Variants in KCNK3 observed in about 807,000 individuals in gnomAD.
KCNK3 encodes the protein potassium two pore domain channel subfamily K member 3, also known as potassium channel subfamily K member 3.
KCNK3 carries 9 observed loss-of-function variants against 27.3 expected under a neutral mutation model. That is an observed-to-expected ratio of 0.33 (90% CI 0.20 to 0.57). The LOEUF (loss-of-function observed/expected upper bound fraction) is 0.57. KCNK3 is among the 20% of genes least tolerant of loss of function. KCNK3 has a pLI of 0.87. For missense variants in KCNK3, 391 were observed against 577.7 expected (o/e 0.68, Z 3.31); for synonymous variants, 278 against 273.8 (o/e 1.02, Z -0.15).
intron 1 of KCNK3, among the ~76,000 whole-genome samples, chr2:26,717,712 ACAGGCCCCACCGGCCC>A (rs1553386340): frequency 2.0e-5 from 3 of 152,226 alleles, no homozygotes; most frequent in Non-Finnish European, 4.4e-5. Context: ...CTAGCTTAGA[ACAGGCCCCACCGGCCC>A]CAGGTCAGGG....
At chr2:26,714,998 A>G (rs1475437383) in intron 1 of KCNK3, among the ~76,000 whole-genome samples, 2 of 152,204 alleles carry the variant, frequency 1.3e-5, no homozygotes, top group Non-Finnish European at 1.5e-5. Flanking sequence ...GAGGCCACAT[A>G]CCTGTGTGGC....
In KCNK3 at chr2:26,728,458, C is replaced by A. The variant is rs1490174380; in HGVS notation, c.1075C>A (p.Arg359=). The change falls in exon 2 of 2, where the codon CGA becomes AGA. Residue 359 remains arginine, a synonymous_variant. Coordinates refer to ENST00000302909, the MANE Select transcript of KCNK3 (RefSeq NM_002246.3). The part of the protein sequence containing the change: ...GGGRYSDTPS[R]RCLCSGAPRS... ...CGGCCGCTACAGCGACACGCCCTCGCGACGCTGCCTGTGCAGCGGGGCGCC... is the reference window on the plus strand; with the variant it reads ...CGGCCGCTACAGCGACACGCCCTCGAGACGCTGCCTGTGCAGCGGGGCGCC... The A allele has an allele frequency of 3.2e-6, 5 of 1,573,478 alleles. No homozygotes were observed. In the South Asian group the frequency reaches 4.6e-5, roughly 14 times the overall value.
At chr2:26,718,421 G>T (rs1022498181) in intron 1 of KCNK3, among the ~76,000 whole-genome samples, 2 of 152,130 alleles carry the variant, frequency 1.3e-5, no homozygotes, top group African/African-American at 2.4e-5. Flanking sequence ...AGAAGAACTT[G>T]TGCTGTTTTT....
Position 26,732,134 on chromosome 2 carries a change from C to T in KCNK3, c.*3566C>T, listed in dbSNP as rs1349937619. Reference sequence around the variant, plus strand: ...ACGACAGACCGTGAGAGCAGACCCACCTTATCCATCTGGTGCCAGCTCCCC... The same window carrying T: ...ACGACAGACCGTGAGAGCAGACCCATCTTATCCATCTGGTGCCAGCTCCCC... On this transcript the variant is annotated 3_prime_UTR_variant, in exon 2 of 2. Transcript: ENST00000302909. The T allele has an allele frequency of 6.6e-6, 1 of 152,338 alleles. No homozygotes were observed. Among genetic ancestry groups the T allele is most frequent in the Non-Finnish European group, 1.5e-5 (1 of 68,166 alleles). The allele number at this position is 152,338 out of a possible 1,614,324, so 9.4% of individuals were successfully genotyped here. A position where few individuals can be genotyped will look rare whatever the true frequency, so the allele number is the denominator to read the frequency against.
In KCNK3 at chr2:26,716,066, G is replaced by A. The variant is rs529632291; in HGVS notation, c.284-11601G>A. ...GAGGCCCAGAGAGGGGCAGCGTCTT[G>A]CCTGGGATCACACAGCAGCACAACT... On this transcript the variant is annotated intron_variant, in intron 1 of 1. Transcript: ENST00000302909. Among the ~76,000 whole-genome samples the A allele has an allele frequency of 2.6e-5, 4 of 152,360 alleles. No individual in the cohort carries two copies. In the East Asian group the frequency reaches 7.7e-4, roughly 29 times the overall value.
chr2:26,693,017 C>A lies in KCNK3; in HGVS notation c.142C>A (p.Leu48Met). The A allele has an allele frequency of 6.3e-7, 1 of 1,582,674 alleles. No homozygotes were observed. The highest frequency in any genetic ancestry group is 8.5e-7 in the Non-Finnish European group (1 of 1,170,124). The change falls in exon 1 of 2, where the codon CTG becomes ATG. Residue 48 changes from leucine to methionine, a missense_variant. Leu to Met is a conservative substitution (Grantham distance 15, BLOSUM62 2). Coordinates refer to ENST00000302909, the MANE Select transcript of KCNK3 (RefSeq NM_002246.3). The surrounding 1 kb of genome is among the most constrained non-coding windows in gnomAD (Gnocchi z 5.5). ...RQRLELRQQE[L>M]RARYNLSQGG... Reference sequence around the variant, plus strand: ...GCGGCTGGAGCTGCGGCAGCAGGAGCTGCGGGCGCGCTACAACCTCAGCCA... The same window carrying A: ...GCGGCTGGAGCTGCGGCAGCAGGAGATGCGGGCGCGCTACAACCTCAGCCA...
At chr2:26,705,623 G>A (rs756101037) in intron 1 of KCNK3, among the ~76,000 whole-genome samples, 3 of 152,114 alleles carry the variant, frequency 2.0e-5, no homozygotes, top group Non-Finnish European at 4.4e-5. Flanking sequence ...TCCCGTAGTA[G>A]GGATATTAGA....
At chr2:26,697,555 A>G (rs372425138) in intron 1 of KCNK3, among the ~76,000 whole-genome samples, 1 of 152,060 alleles carries the variant, frequency 6.6e-6, no homozygotes, top group East Asian at 1.9e-4. Context: ...CTGCTCGAGC[A>G]CACTCCAGTC....
chr2:26,718,933 G>A (rs1309122159), intron 1 of KCNK3, among the ~76,000 whole-genome samples: 3 of 152,198 alleles, frequency 2.0e-5, no homozygotes, highest in South Asian at 2.1e-4. Flanking sequence ...TCATATTAGC[G>A]TGGGATCCCA....
intron 1 of KCNK3, among the ~76,000 whole-genome samples, chr2:26,704,044 C>G (rs1271613972): frequency 6.6e-6 from 1 of 152,134 alleles, no homozygotes; most frequent in Non-Finnish European, 1.5e-5. Context: ...CCCCAATGAC[C>G]CCAGTTGAAG....
Position 26,693,171 on chromosome 2 carries a change from C to G in KCNK3, c.283+13C>G. 4 of 1,370,698 alleles carry G rather than the reference C, an allele frequency of 2.9e-6. No homozygotes were observed. Among genetic ancestry groups the G allele is most frequent in the South Asian group, 3.4e-5 (2 of 59,264 alleles). The allele number at this position is 1,370,698 out of a possible 1,614,324, so 84.9% of individuals were successfully genotyped here. ...ATCACCACCATCGGTAACGGCTCGC[C>G]GGGCGGGGGGCGGGAACCCAGGGCT... On this transcript the variant is annotated intron_variant, in intron 1 of 1. Transcript: ENST00000302909. The surrounding 1 kb of genome is among the most constrained non-coding windows in gnomAD (Gnocchi z 5.5).
intron 1 of KCNK3, among the ~76,000 whole-genome samples, chr2:26,709,527 G>A (rs1663063065): frequency 6.6e-6 from 1 of 152,180 alleles, no homozygotes; most frequent in Non-Finnish European, 1.5e-5. Flanking sequence ...GAAACCACCA[G>A]TAGATCTGCA....
chr2:26,713,488 CAT>C (rs1444728812), intron 1 of KCNK3, among the ~76,000 whole-genome samples: 1 of 152,074 alleles, frequency 6.6e-6, no homozygotes, highest in Non-Finnish European at 1.5e-5. Flanking sequence ...GGCTTAGAAA[CAT>C]GTATGTGGGC....
chr2:26,722,730 T>G (rs1362865431), intron 1 of KCNK3, among the ~76,000 whole-genome samples: 1 of 152,270 alleles, frequency 6.6e-6, no homozygotes, highest in East Asian at 1.9e-4. Flanking sequence ...AAGAAATTAA[T>G]TATGGTTCTA....
At chr2:26,722,778 A>G (rs1001707179) in intron 1 of KCNK3, among the ~76,000 whole-genome samples, 1 of 152,270 alleles carries the variant, frequency 6.6e-6, no homozygotes, top group East Asian at 1.9e-4. Context: ...AAGAGTATCC[A>G]CACTGCACTG....
intron 1 of KCNK3, among the ~76,000 whole-genome samples, chr2:26,702,585 GA>G (rs1351237689): frequency 6.6e-6 from 1 of 152,146 alleles, no homozygotes; most frequent in African/African-American, 2.4e-5. Flanking sequence ...TGTTAAAATT[GA>G]AGCTGACCAA....
intron 1 of KCNK3, among the ~76,000 whole-genome samples, chr2:26,715,922 A>C (rs1663223035): frequency 6.6e-6 from 1 of 152,150 alleles, no homozygotes; most frequent in African/African-American, 2.4e-5. Flanking sequence ...GACTGAAACT[A>C]TTGCTGTCTC....
chr2:26,710,528 G>A (rs1203509229), intron 1 of KCNK3, among the ~76,000 whole-genome samples: 5 of 152,180 alleles, frequency 3.3e-5, no homozygotes, highest in Non-Finnish European at 4.4e-5. Context: ...GACCCTTTTG[G>A]AGCCAGGTGA....
chr2:26,728,499 C>T lies in KCNK3; in HGVS notation c.1116C>T (p.Ser372=). ...GCGGGGCGCCACGCTCCGCCATCAG[C>T]TCGGTGTCCACGGGTCTGCACAGCC... ...LCSGAPRSAI[S]SVSTGLHSLS... Residue 372 remains serine (S), a synonymous_variant, in exon 2 of 2, where the codon AGC becomes AGT. Transcript: ENST00000302909. 2.6e-6 allele frequency: 4 copies of T among 1,532,666 alleles called. No homozygotes were observed. The highest frequency in any genetic ancestry group is 1.3e-5 in the South Asian group (1 of 79,212). The allele number at this position is 1,532,666 out of a possible 1,614,324, so 94.9% of individuals were successfully genotyped here.
Sources: gnomAD v4.1 joint callset for allele counts (sites outside exome capture counted in the v4.1 genomes callset) on GRCh38, gnomAD v4.1.1 for gene constraint, Gnocchi (gnomAD v3.1) non-coding constraint, MANE v1.5 for transcripts, NCBI Gene and HGNC (gene_info 2026-07-23, HGNC 2026-07-21) for gene names.